Variants in MGST2 observed in about 807,000 individuals in gnomAD.
MGST2 encodes microsomal glutathione S-transferase 2, also known as glutathione peroxidase MGST2.
MGST2 carries 9 observed loss-of-function variants against 16.6 expected under a neutral mutation model. That is an observed-to-expected ratio of 0.54 (90% CI 0.33 to 0.95). The LOEUF is 0.95. MGST2 is among the 40% of genes least tolerant of loss of function. The pLI, the probability that MGST2 is intolerant of heterozygous loss-of-function variation, is 0.03. For missense variants in MGST2, 159 were observed against 175.1 expected (o/e 0.91, Z 0.52); for synonymous variants, 79 against 68.0 (o/e 1.16, Z -0.79).
intron 1 of MGST2, among the ~76,000 whole-genome samples, chr4:139,668,458 A>G (rs1303432092): frequency 2.0e-5 from 3 of 152,228 alleles, no homozygotes; most frequent in Non-Finnish European, 4.4e-5. Context: ...TTAGGGTAAA[A>G]TACTTCAATT....
intron 5 of MGST2, chr4:139,730,407 G>C (rs1314596455): frequency 6.5e-7 from 1 of 1,546,754 alleles, no homozygotes; most frequent in Non-Finnish European, 8.7e-7. Flanking sequence ...ACGCCAAGGG[G>C]CATGTTACCT....
rs1730301124 is a variant in MGST2 at position 139,665,837 on chromosome 4, C to T, written c.-183C>T. ...CAGCCCCATAAAGATCTGTGACCGG[C>T]AGCCCCAGACCTGCCTGCCTTCCTG... On this transcript the variant is annotated 5_prime_UTR_variant, in exon 1 of 5. Transcript: ENST00000265498. 5 of 673,698 alleles carry T rather than the reference C, an allele frequency of 7.4e-6. No homozygotes were observed. Among genetic ancestry groups the T allele is most frequent in the Non-Finnish European group, 1.3e-5 (5 of 371,898 alleles). The allele number at this position is 673,698 out of a possible 1,614,324, so 41.7% of individuals were successfully genotyped here. A position where few individuals can be genotyped will look rare whatever the true frequency, so the allele number is the denominator to read the frequency against.
At chr4:139,698,934 A>G (rs181592343) in intron 3 of MGST2, among the ~76,000 whole-genome samples, 8 of 151,684 alleles carry the variant, frequency 5.3e-5, no homozygotes, top group African/African-American at 1.2e-4. Flanking sequence ...AAGCCATTCA[A>G]TTTTTTCTTG....
chr4:139,680,804 C>A (rs1731204277), intron 2 of MGST2, among the ~76,000 whole-genome samples: 1 of 152,078 alleles, frequency 6.6e-6, no homozygotes, highest in African/African-American at 2.4e-5. Context: ...AAATTTGCTC[C>A]ATGGCTTCCT....
At chr4:139,733,759 A>T (rs1728817884) in intron 5 of MGST2, among the ~76,000 whole-genome samples, 1 of 152,098 alleles carries the variant, frequency 6.6e-6, no homozygotes, top group Non-Finnish European at 1.5e-5. Context: ...ATCATAGCTC[A>T]CTGCAACCTC....
chr4:139,749,993 G>A, the MGST2 span, among the ~76,000 whole-genome samples: 296 of 151,154 alleles, frequency 2.0e-3, no homozygotes, highest in African/African-American at 6.8e-3. Context: ...TAATATGGAT[G>A]GATTATTCAT....
chr4:139,691,681 TGATGATG>T (rs1560747789), intron 2 of MGST2, among the ~76,000 whole-genome samples: 219 of 138,478 alleles, frequency 1.6e-3, no homozygotes, highest in Middle Eastern at 7.4e-3. Flanking sequence ...ATGATGATGA[TGATGATG>T]ATGATGATGA....
intron 5 of MGST2, among the ~76,000 whole-genome samples, chr4:139,733,976 G>A (rs1728826676): frequency 6.6e-6 from 1 of 152,216 alleles, no homozygotes; most frequent in African/African-American, 2.4e-5. Context: ...ACAAGCATGA[G>A]CCACTGCTCC....
Position 139,728,632 on chromosome 4 carries a change from C to CCAAATGTG in MGST2, c.*49-11580_*49-11579insCAAATGTG, listed in dbSNP as rs1728573646. 2.0e-5 allele frequency among the ~76,000 whole-genome samples: 3 copies of CCAAATGTG among 152,178 alleles called. No individual in the cohort carries two copies. In the South Asian group the frequency reaches 6.2e-4, roughly 32 times the overall value. ...CATCATCTTTTGGTACACACAGTTGCTACGGAATGATCCACAGGTCACGGC... is the reference window on the plus strand; with the variant it reads ...CATCATCTTTTGGTACACACAGTTGCCAAATGTGTACGGAATGATCCACAGGTCACGGC... On this transcript the variant is annotated intron_variant, in intron 5 of 5. Coordinates refer to the MGST2 transcript ENST00000616265.
rs750668726 is a variant in MGST2, at chr4:139,704,148, A to G, written c.444A>G (p.Ter148=). ...CCAAGAAACTGAGGCGGCAATTCTA[A>G]CTTTTTCTCTTCCCTTTAATACTTG... The part of the protein sequence containing the change: ...NIAKKLRRQF[*] The change falls in exon 5 of 5, where the codon TAA becomes TAG. Residue 148 remains the stop codon, a stop_retained_variant. Transcript: ENST00000265498. 6 of 1,614,206 alleles carry G rather than the reference A, an allele frequency of 3.7e-6. No homozygotes were observed. The highest frequency in any genetic ancestry group is 5.1e-6 in the Non-Finnish European group (6 of 1,180,022).
chr4:139,680,778 C>T (rs577611901), intron 2 of MGST2, among the ~76,000 whole-genome samples: 1 of 152,272 alleles, frequency 6.6e-6, no homozygotes, highest in East Asian at 1.9e-4. Context: ...AATCCTTACC[C>T]TTAGAGTTTT....
intron 5 of MGST2, chr4:139,730,493 C>T (rs769916242): frequency 3.9e-6 from 6 of 1,554,122 alleles, no homozygotes; most frequent in Non-Finnish European, 5.2e-6. Flanking sequence ...TTCTGCTGCT[C>T]TATCAACTGG....
At chr4:139,700,020 A>C (rs1445852689) in intron 3 of MGST2, among the ~76,000 whole-genome samples, 1 of 152,022 alleles carries the variant, frequency 6.6e-6, no homozygotes, top group Non-Finnish European at 1.5e-5. Context: ...TGACAGAGTG[A>C]GACCCTGTCT....
chr4:139,670,608 A>G (rs191839091), intron 1 of MGST2, among the ~76,000 whole-genome samples: 1 of 152,272 alleles, frequency 6.6e-6, no homozygotes, highest in East Asian at 1.9e-4. Flanking sequence ...AGCACAAAGA[A>G]ATGCTTACAT....
At chr4:139,725,692 C>T (rs1728441573) in intron 5 of MGST2, 1 of 1,515,744 alleles carries the variant, frequency 6.6e-7, no homozygotes, top group Non-Finnish European at 9.2e-7. Flanking sequence ...TCTGGCTACA[C>T]ATTCACTTAC....
chr4:139,666,685 G>T (rs760134443), intron 1 of MGST2, among the ~76,000 whole-genome samples: 1 of 152,124 alleles, frequency 6.6e-6, no homozygotes, highest in Non-Finnish European at 1.5e-5. Context: ...TACTCCATGG[G>T]AGTCACATTT....
chr4:139,720,070 C>T (rs1728169180), intron 5 of MGST2: 2 of 1,614,088 alleles, frequency 1.2e-6, no homozygotes, highest in East Asian at 2.2e-5. Flanking sequence ...GTGTGATGCT[C>T]ATGCCACTTT....
chr4:139,745,668 G>C (rs914530775), downstream of MGST2, among the ~76,000 whole-genome samples: 1 of 152,214 alleles, frequency 6.6e-6, no homozygotes, highest in Non-Finnish European at 1.5e-5. Context: ...ACCTGGCAGA[G>C]ATATAGTGAT....
intron 3 of MGST2, among the ~76,000 whole-genome samples, chr4:139,695,792 TACTC>T (rs1193361601): frequency 1.3e-5 from 2 of 152,224 alleles, no homozygotes; most frequent in African/African-American, 2.4e-5. Flanking sequence ...ATATGCTAGA[TACTC>T]AAGAATGAGA....
Sources: gnomAD v4.1 joint callset for allele counts (sites outside exome capture counted in the v4.1 genomes callset) on GRCh38, gnomAD v4.1.1 for gene constraint, MANE v1.5 for transcripts, NCBI Gene and HGNC (gene_info 2026-07-23, HGNC 2026-07-21) for gene names.